KIF2A: variants seen among roughly 807,000 people sequenced by gnomAD.
KIF2A encodes the protein kinesin family member 2A.
Under a neutral mutation model 100.2 loss-of-function variants are expected in KIF2A, and 22 were observed. The observed-to-expected ratio is 0.22, with a 90% confidence interval of 0.16 to 0.31. KIF2A has a LOEUF of 0.31. Among genes scored for constraint, KIF2A ranks in the 10% least tolerant of loss-of-function variants. The probability of loss-of-function intolerance (pLI) is 1.00; values close to 1 mark genes in which losing one functional copy is unlikely to be tolerated. For synonymous variants in KIF2A, 268 were observed against 285.9 expected (o/e 0.94, Z 0.63); for missense variants, 495 against 898.7 (o/e 0.55, Z 5.74).
chr5:62,389,193 G>C lies in KIF2A; in HGVS notation c.*3624G>C. ...CCCACTCCTAATACTAGTTATTAAA[G>C]AAACGTTACTGGCTGGGCGCAGTGG... On this transcript the variant is annotated 3_prime_UTR_variant, in exon 21 of 21. Coordinates refer to ENST00000407818, the MANE Select transcript of KIF2A (RefSeq NM_001098511.3). The C allele has an allele frequency of 4.3e-6, 3 of 704,956 alleles. No individual in the cohort carries two copies. The South Asian group carries it at 6.9e-5, about 16-fold the overall frequency. 43.7% of individuals were successfully genotyped at this position (704,956 alleles called of 1,614,324 possible). A position where few individuals can be genotyped will look rare whatever the true frequency, so the allele number is the denominator to read the frequency against.
intron 19 of KIF2A, among the ~76,000 whole-genome samples, chr5:62,379,879 AG>A (rs1741701990): frequency 6.6e-6 from 1 of 152,174 alleles, no homozygotes; most frequent in Non-Finnish European, 1.5e-5. Context: ...TCTTTAATTC[AG>A]AAAGATCTGG....
At chr5:62,367,175 T>C (rs1741113402) in intron 16 of KIF2A, among the ~76,000 whole-genome samples, 1 of 152,236 alleles carries the variant, frequency 6.6e-6, no homozygotes, top group Admixed American at 6.5e-5. Flanking sequence ...ATGTTGCATA[T>C]TATTCCTGAT....
At chr5:62,349,746 C>T (rs1269775768) in intron 3 of KIF2A, among the ~76,000 whole-genome samples, 1 of 152,076 alleles carries the variant, frequency 6.6e-6, no homozygotes, top group East Asian at 1.9e-4. Context: ...AGCTACTTAA[C>T]CTCTCTTTGT....
In KIF2A at chr5:62,383,554, AT is replaced by A. The variant is rs370979833; in HGVS notation, c.2150-1925del. ...CACCACGCCCGGCCTGCACAGCCAG[AT>A]TTTTGGATGAGATGTTCAACACATA... On this transcript the variant is annotated intron_variant, in intron 20 of 20. Transcript: ENST00000407818. Among the ~76,000 whole-genome samples, 43 of 152,162 alleles carry A rather than the reference AT, an allele frequency of 2.8e-4. No individual in the cohort carries two copies. In the East Asian group the frequency reaches 7.5e-3, roughly 27 times the overall value.
In KIF2A at chr5:62,365,214, T is replaced by C. The variant is rs751985654; in HGVS notation, c.1468-29T>C. 8.0e-6 allele frequency: 9 copies of C among 1,120,578 alleles called. No individual in the cohort carries two copies. The South Asian group carries it at 1.1e-4, about 14-fold the overall frequency. 69.4% of individuals were successfully genotyped at this position (1,120,578 alleles called of 1,614,324 possible). ...GATTATCCTTTATAAGAAAGACTAA[T>C]CTGTGAGACTTGTTTTCTTAATTTT... On this transcript the variant is annotated intron_variant, in intron 14 of 20. Coordinates refer to ENST00000407818, the MANE Select transcript of KIF2A (RefSeq NM_001098511.3).
At chr5:62,357,909 T>C (rs1748197224) in intron 8 of KIF2A, among the ~76,000 whole-genome samples, 164 bp downstream of exon 8, 1 of 152,240 alleles carries the variant, frequency 6.6e-6, no homozygotes, top group South Asian at 2.1e-4. Context: ...AGTTTGTTAT[T>C]GCTCTGAATC....
intron 1 of KIF2A, among the ~76,000 whole-genome samples, chr5:62,338,658 A>G (rs969069811): frequency 1.3e-5 from 2 of 152,200 alleles, no homozygotes; most frequent in Non-Finnish European, 2.9e-5. Flanking sequence ...ATTTCATAGC[A>G]TACCAAAAAA....
intron 18 of KIF2A, among the ~76,000 whole-genome samples, chr5:62,377,428 A>T (rs545878686): frequency 2.0e-5 from 3 of 152,342 alleles, no homozygotes; most frequent in Non-Finnish European, 4.4e-5. Context: ...AGCTTAGGCT[A>T]AGTGAAAAAT....
intron 20 of KIF2A, among the ~76,000 whole-genome samples, chr5:62,384,020 C>T (rs572158066): frequency 2.0e-5 from 3 of 151,970 alleles, no homozygotes; most frequent in East Asian, 3.9e-4. Context: ...GTAGATCACC[C>T]GAGGTCAGGA....
chr5:62,341,828 G>A (rs1182004412), intron 1 of KIF2A, among the ~76,000 whole-genome samples: 1 of 152,000 alleles, frequency 6.6e-6, no homozygotes, highest in Non-Finnish European at 1.5e-5. Context: ...CTTGCCTTTT[G>A]GAATATCCAC....
At chr5:62,331,981 G>A (rs1746681178) in intron 1 of KIF2A, among the ~76,000 whole-genome samples, 2 of 151,698 alleles carry the variant, frequency 1.3e-5, no homozygotes, top group Admixed American at 6.6e-5. Context: ...TAGTATTCTT[G>A]GCTGACTTAT....
rs894111602 is a variant in KIF2A at position 62,389,923 on chromosome 5, A to G, written c.*4354A>G. 6.6e-6 allele frequency among the ~76,000 whole-genome samples: 1 copy of G among 152,244 alleles called. No individual in the cohort carries two copies. Among genetic ancestry groups the G allele is most frequent in the Non-Finnish European group, 1.5e-5 (1 of 68,036 alleles). On this transcript the variant is annotated 3_prime_UTR_variant, in exon 21 of 21. Coordinates refer to ENST00000407818, the MANE Select transcript of KIF2A (RefSeq NM_001098511.3). ...AGGTTATGTTTAGGCTGGCCCATAG[A>G]AACAGGTCCAGATAAATTTCTAAAA...
intron 1 of KIF2A, among the ~76,000 whole-genome samples, chr5:62,327,292 T>G (rs1746424846): frequency 6.6e-6 from 1 of 152,252 alleles, no homozygotes. Context: ...ATTATTGCTC[T>G]GCCTGAAAAG....
Position 62,306,297 on chromosome 5 carries a change from C to T in KIF2A, c.-176C>T, listed in dbSNP as rs1013178831. On this transcript the variant is annotated 5_prime_UTR_variant, in exon 1 of 21. Transcript: ENST00000407818. Reference sequence around the variant, plus strand: ...TCCTGCCGGCCTGCAGGCCCGGGGCCTCCGCCTGCTTCCCCACAGCTGCTC... The same window carrying T: ...TCCTGCCGGCCTGCAGGCCCGGGGCTTCCGCCTGCTTCCCCACAGCTGCTC... 3 of 575,538 alleles carry T rather than the reference C, an allele frequency of 5.2e-6. No homozygotes were observed. Among genetic ancestry groups the T allele is most frequent in the African/African-American group, 4.0e-5 (2 of 49,830 alleles). The allele number at this position is 575,538 out of a possible 1,614,324, so 35.7% of individuals were successfully genotyped here. A position where few individuals can be genotyped will look rare whatever the true frequency, so the allele number is the denominator to read the frequency against.
At chr5:62,375,259 T>A (rs974984875) in intron 18 of KIF2A, among the ~76,000 whole-genome samples, 2 of 152,220 alleles carry the variant, frequency 1.3e-5, no homozygotes, top group Non-Finnish European at 2.9e-5. Context: ...TTAAAATGCA[T>A]ATTCTGCATA....
chr5:62,353,996 G>A (rs1195604712), intron 6 of KIF2A, among the ~76,000 whole-genome samples: 1 of 151,880 alleles, frequency 6.6e-6, no homozygotes, highest in East Asian at 1.9e-4. Context: ...TGCTTGTATG[G>A]CATCTATTAC....
chr5:62,389,181 C>CTAGTTA lies in KIF2A; in HGVS notation c.*3614_*3619dup, dbSNP rs1742176157. 1.3e-6 allele frequency: 1 copy of CTAGTTA among 752,512 alleles called. No homozygotes were observed. Among genetic ancestry groups the CTAGTTA allele is most frequent in the Admixed American group, 3.3e-5 (1 of 30,752 alleles). The allele number at this position is 752,512 out of a possible 1,614,324, so 46.6% of individuals were successfully genotyped here. A position where few individuals can be genotyped will look rare whatever the true frequency, so the allele number is the denominator to read the frequency against. ...TTACAGAGCCCACCCACTCCTAATA[C>CTAGTTA]TAGTTATTAAAGAAACGTTACTGGC... On this transcript the variant is annotated 3_prime_UTR_variant, in exon 21 of 21. Transcript: ENST00000407818.
intron 1 of KIF2A, among the ~76,000 whole-genome samples, chr5:62,321,424 G>T (rs767320678): frequency 2.6e-5 from 4 of 152,118 alleles, no homozygotes; most frequent in Non-Finnish European, 5.9e-5. Context: ...GCCCAAACTT[G>T]TTATTTTCCA....
chr5:62,355,338 G>A (rs1748046224), intron 7 of KIF2A, 84 bp downstream of exon 7: 3 of 706,192 alleles, frequency 4.2e-6, no homozygotes, highest in South Asian at 1.8e-5. Context: ...TTCATATTGT[G>A]TTCAGCTATG....
Sources: gnomAD v4.1 joint callset for allele counts (sites outside exome capture counted in the v4.1 genomes callset) on GRCh38, gnomAD v4.1.1 for gene constraint, MANE v1.5 for transcripts, NCBI Gene and HGNC (gene_info 2026-07-23, HGNC 2026-07-21) for gene names.